CDH12: variants seen among roughly 807,000 people sequenced by gnomAD.
CDH12 encodes cadherin-12.
In CDH12, 41 loss-of-function variants were observed where a neutral mutation model predicts 74.1. The observed-to-expected ratio is 0.55, with a 90% CI of 0.43 to 0.72. The LOEUF (loss-of-function observed/expected upper bound fraction) is 0.72. Among genes scored for constraint, CDH12 ranks in the 30% least tolerant of loss-of-function variants. The pLI, the probability that CDH12 is intolerant of heterozygous loss-of-function variation, is 0.00. For missense variants in CDH12, 945 were observed against 977.2 expected (o/e 0.97, Z 0.44); for synonymous variants, 399 against 355.0 (o/e 1.12, Z -1.39).
intron 1 of CDH12, among the ~76,000 whole-genome samples, chr5:22,613,101 C>A (rs941235230): frequency 6.6e-6 from 1 of 151,924 alleles, no homozygotes; most frequent in African/African-American, 2.4e-5. Context: ...TGATGACATC[C>A]ATAAAATCTA....
At chr5:21,898,320 C>G (rs889253278) in intron 6 of CDH12, among the ~76,000 whole-genome samples, 2 of 152,064 alleles carry the variant, frequency 1.3e-5, no homozygotes, top group Non-Finnish European at 2.9e-5. Flanking sequence ...AACTCCTGGT[C>G]TCAAGTGATT....
At chr5:21,918,088 T>C (rs1754181785) in intron 6 of CDH12, among the ~76,000 whole-genome samples, 1 of 152,126 alleles carries the variant, frequency 6.6e-6, no homozygotes, top group Admixed American at 6.5e-5. Flanking sequence ...CTATATAGTA[T>C]GAAAGTAAGT....
chr5:22,026,277 C>T (rs1224648742), intron 5 of CDH12, among the ~76,000 whole-genome samples: 1 of 152,134 alleles, frequency 6.6e-6, no homozygotes, highest in African/African-American at 2.4e-5. Flanking sequence ...TGGAAAGGAA[C>T]TGTTACAGCA....
At chr5:21,769,480 G>A (rs1350892158) in intron 11 of CDH12, among the ~76,000 whole-genome samples, 3 of 152,102 alleles carry the variant, frequency 2.0e-5, no homozygotes. Context: ...AAATTTGTTA[G>A]TATATTAATT....
intron 1 of CDH12, among the ~76,000 whole-genome samples, chr5:22,707,088 T>G (rs1743047452): frequency 6.6e-6 from 1 of 152,136 alleles, no homozygotes; most frequent in Non-Finnish European, 1.5e-5. Context: ...GATGCACCAT[T>G]GTGAACTGGC....
intron 2 of CDH12, among the ~76,000 whole-genome samples, chr5:22,503,890 T>C (rs1317401225): frequency 6.6e-6 from 1 of 152,010 alleles, no homozygotes; most frequent in Admixed American, 6.6e-5. Context: ...TCATTATTCA[T>C]ATTTGCATCA....
chr5:22,786,364 A>G (rs1300094493), intron 1 of CDH12, among the ~76,000 whole-genome samples: 5 of 152,172 alleles, frequency 3.3e-5, no homozygotes, highest in African/African-American at 1.2e-4. Context: ...AACACAGAAG[A>G]CCTGAAGTGG....
intron 2 of CDH12, among the ~76,000 whole-genome samples, chr5:22,423,776 G>T (rs1743759878): frequency 6.6e-6 from 1 of 152,010 alleles, no homozygotes; most frequent in South Asian, 2.1e-4. Context: ...GTCCGCGGCG[G>T]GTGGATCACG....
intron 1 of CDH12, among the ~76,000 whole-genome samples, chr5:22,587,131 C>A (rs1272584383): frequency 2.0e-5 from 3 of 152,034 alleles, no homozygotes; most frequent in Non-Finnish European, 4.4e-5. Context: ...CCATTGCGCA[C>A]AGCCTAGAAG....
intron 2 of CDH12, among the ~76,000 whole-genome samples, chr5:22,411,732 A>T (rs1301389671): frequency 6.6e-6 from 1 of 151,982 alleles, no homozygotes; most frequent in Non-Finnish European, 1.5e-5. Context: ...TCTAGACAAG[A>T]CAGCTTTAAT....
At chr5:22,824,518 A>C (rs1749906701) in intron 1 of CDH12, among the ~76,000 whole-genome samples, 1 of 152,162 alleles carries the variant, frequency 6.6e-6, no homozygotes. Context: ...AGGTTGTCTA[A>C]AAACCTTGTA....
chr5:22,848,486 A>G (rs1052613256), intron 1 of CDH12, among the ~76,000 whole-genome samples: 1 of 152,214 alleles, frequency 6.6e-6, no homozygotes, highest in African/African-American at 2.4e-5. Context: ...ATTATGTAAC[A>G]CCATAAATTT....
At chr5:21,828,212 T>C (rs1484621432) in intron 8 of CDH12, among the ~76,000 whole-genome samples, 1 of 151,870 alleles carries the variant, frequency 6.6e-6, no homozygotes, top group East Asian at 1.9e-4. Context: ...ACCGTCCACC[T>C]TCCGGGTTCA....
intron 1 of CDH12, among the ~76,000 whole-genome samples, chr5:22,803,499 A>G (rs781197068): frequency 1.8e-4 from 28 of 152,182 alleles, no homozygotes; most frequent in Non-Finnish European, 3.1e-4. Context: ...TACACAAGTC[A>G]TAAAAAATCA....
intron 6 of CDH12, among the ~76,000 whole-genome samples, chr5:21,956,195 C>A (rs374775821): frequency 1.3e-5 from 2 of 151,586 alleles, no homozygotes; most frequent in East Asian, 1.9e-4. Context: ...AGATTAGATA[C>A]CATTGAAGGA....
At chr5:22,531,816 G>A (rs903752196) in intron 1 of CDH12, among the ~76,000 whole-genome samples, 1 of 152,098 alleles carries the variant, frequency 6.6e-6, no homozygotes, top group Non-Finnish European at 1.5e-5. Context: ...CTGAAAGTCT[G>A]TATTAGAAGC....
At chr5:21,876,069 T>A (rs891712481) in intron 6 of CDH12, among the ~76,000 whole-genome samples, 4 of 152,048 alleles carry the variant, frequency 2.6e-5, no homozygotes, top group South Asian at 4.2e-4. Context: ...CTAATTTTTG[T>A]ATTTTTAGTA....
At chr5:22,621,690 G>A (rs1388133386) in intron 1 of CDH12, among the ~76,000 whole-genome samples, 2 of 151,976 alleles carry the variant, frequency 1.3e-5, no homozygotes, top group Non-Finnish European at 2.9e-5. Flanking sequence ...AAATACTACA[G>A]TTGTTGGAGT....
chr5:22,096,611 T>A (rs1580243665), intron 4 of CDH12, among the ~76,000 whole-genome samples: 2 of 152,158 alleles, frequency 1.3e-5, no homozygotes, highest in South Asian at 4.2e-4. Context: ...CTACTAGCCC[T>A]CCCCCACCTG....
Sources: allele counts gnomAD v4.1 joint callset (sites outside exome capture counted in the v4.1 genomes callset), GRCh38; gene constraint gnomAD v4.1.1; transcripts MANE v1.5; gene names NCBI Gene and HGNC (gene_info 2026-07-23, HGNC 2026-07-21).